OPRM1: variants seen among roughly 807,000 people sequenced by gnomAD.
OPRM1 encodes the protein mu-type opioid receptor.
Under a neutral mutation model 31.8 loss-of-function variants are expected in OPRM1, and 27 were observed. That is an observed-to-expected ratio of 0.85 (90% confidence interval 0.63 to 1.17). The LOEUF (loss-of-function observed/expected upper bound fraction) is 1.17, where lower values mean the gene tolerates loss of function less well. OPRM1 is among the 50% of genes most tolerant of loss of function. The pLI is 0.00. For synonymous variants in OPRM1, 196 were observed against 189.9 expected, an observed-to-expected ratio of 1.03 and a Z score of -0.26; for missense variants, 536 against 511.1, an observed-to-expected ratio of 1.05 and a Z score of -0.47.
chr6:154,076,212 C>T (rs141930419), intron 1 of OPRM1, among the ~76,000 whole-genome samples: 1 of 152,254 alleles, frequency 6.6e-6, no homozygotes, highest in East Asian at 1.9e-4. Flanking sequence ...TTAATAACCT[C>T]AGAATAAGTA....
chr6:154,182,215 T>G (rs1427238579), intron 3 of OPRM1, among the ~76,000 whole-genome samples: 1 of 152,184 alleles, frequency 6.6e-6, no homozygotes, highest in Admixed American at 6.5e-5. Flanking sequence ...TTCCCTCATT[T>G]TCCTCTATTT....
chr6:154,010,530 C>T lies in OPRM1; in HGVS notation c.-489C>T, dbSNP rs755001511. 126 of 1,547,566 alleles carry T rather than the reference C, an allele frequency of 8.1e-5. No homozygotes were observed. In the African/African-American group the frequency reaches 1.6e-3, roughly 20 times the overall value. Reference sequence around the variant, plus strand: ...TAAAGAAAATGATGAGGGCTAAATCCATCAGCACCAAAGCTGGGAAGCCCT... The same window carrying T: ...TAAAGAAAATGATGAGGGCTAAATCTATCAGCACCAAAGCTGGGAAGCCCT... On this transcript the variant is annotated 5_prime_UTR_variant, in exon 1 of 6. Coordinates refer to the OPRM1 transcript ENST00000434900.
chr6:154,037,090 T>TA (rs1779349066), upstream of OPRM1, among the ~76,000 whole-genome samples: 1 of 151,882 alleles, frequency 6.6e-6, no homozygotes, highest in Admixed American at 6.6e-5. Flanking sequence ...AACTTAAAAG[T>TA]AAAAAAATCT....
chr6:154,091,061 C>A lies in OPRM1; in HGVS notation c.753C>A (p.Thr251=). The A allele has an allele frequency of 6.2e-7, 1 of 1,614,096 alleles. No individual in the cohort carries two copies. Among genetic ancestry groups the A allele is most frequent in the Non-Finnish European group, 8.5e-7 (1 of 1,179,996 alleles). Residue 251 remains threonine, a synonymous_variant, in exon 3 of 4, where the codon ACC becomes ACA. Coordinates refer to ENST00000330432, the MANE Select transcript of OPRM1 (RefSeq NM_000914.5). ...FAFIMPVLII[T]VCYGLMILRL... ...TCATTATGCCAGTGCTCATCATTAC[C>A]GTGTGCTATGGACTGATGATCTTGC...
At chr6:154,137,783 T>C (rs1798095500) in intron 3 of OPRM1, among the ~76,000 whole-genome samples, 1 of 152,062 alleles carries the variant, frequency 6.6e-6, no homozygotes, top group African/African-American at 2.4e-5. Flanking sequence ...ACAGGTAAAA[T>C]AGAAGTATGA....
intron 3 of OPRM1, among the ~76,000 whole-genome samples, chr6:154,239,346 AT>A (rs1780391792): frequency 6.6e-6 from 1 of 152,274 alleles, no homozygotes; most frequent in South Asian, 2.1e-4. Context: ...AAGGAAAATA[AT>A]TGTTAGAACA....
intron 1 of OPRM1, chr6:154,074,192 A>G (rs923552690): frequency 2.0e-5 from 3 of 152,186 alleles, no homozygotes; most frequent in Non-Finnish European, 2.9e-5. Context: ...CTCCAGGGCA[A>G]ATTACTTAAC....
chr6:154,031,374 G>A (rs1183046248), intron 1 of OPRM1, among the ~76,000 whole-genome samples: 1 of 152,048 alleles, frequency 6.6e-6, no homozygotes, highest in Admixed American at 6.5e-5. Context: ...AAAAGACTGA[G>A]GAGCTGCTAT....
At chr6:154,085,824 C>G (rs913039441) in intron 1 of OPRM1, among the ~76,000 whole-genome samples, 3 of 150,928 alleles carry the variant, frequency 2.0e-5, no homozygotes, top group African/African-American at 7.3e-5. Context: ...TGACTCTGAG[C>G]ATTCATTGAA....
rs201436661 is a variant in OPRM1, at chr6:154,118,940, G to A, written c.*219G>A. 1.2e-5 allele frequency: 16 copies of A among 1,301,484 alleles called. No homozygotes were observed. Among genetic ancestry groups the A allele is most frequent in the Non-Finnish European group, 1.4e-5 (14 of 1,025,896 alleles). 80.6% of individuals were successfully genotyped at this position (1,301,484 alleles called of 1,614,324 possible). A position where few individuals can be genotyped will look rare whatever the true frequency, so the allele number is the denominator to read the frequency against. On this transcript the variant is annotated 3_prime_UTR_variant, in exon 4 of 4. Transcript: ENST00000330432. ...GAAGGAAAGGAATATACCACACCGA[G>A]GAGTCCAGTTTGTGCAAGACACCCA...
At chr6:154,232,956 C>G (rs1481118380) in intron 3 of OPRM1, among the ~76,000 whole-genome samples, 1 of 151,224 alleles carries the variant, frequency 6.6e-6, no homozygotes, top group Non-Finnish European at 1.5e-5. Flanking sequence ...GTAAAATAAG[C>G]CTTTTTTCTT....
chr6:154,031,472 C>T (rs1382276274), intron 1 of OPRM1, among the ~76,000 whole-genome samples: 3 of 152,036 alleles, frequency 2.0e-5, no homozygotes, highest in Non-Finnish European at 2.9e-5. Context: ...CGGTGGCTCA[C>T]GCCTGTAATC....
At position 154,187,444 on chromosome 6, in the gene OPRM1, G is replaced by A. The variant is rs7753376; in HGVS notation, c.1165-59249G>A. 5.6e-3 allele frequency among the ~76,000 whole-genome samples: 848 copies of A among 152,224 alleles called. 10 individuals carry two copies. Among genetic ancestry groups the A allele is most frequent in the African/African-American group, 0.02 (819 of 41,532 alleles). On this transcript the variant is annotated intron_variant, in intron 3 of 3. Transcript: ENST00000337049. ...TTGCCCAGCTCATGGCATGGTGCTT[G>A]GCATATAAAAAGCACTTGACAAATA...
intron 3 of OPRM1, chr6:154,108,311 C>T (rs970217134): frequency 7.2e-6 from 2 of 279,054 alleles, no homozygotes; most frequent in Non-Finnish European, 1.3e-5. Context: ...GCAGTTTCAA[C>T]ACGTGCTCTC....
intron 1 of OPRM1, among the ~76,000 whole-genome samples, chr6:154,021,058 C>T (rs1418102415): frequency 6.6e-6 from 1 of 152,150 alleles, no homozygotes; most frequent in Non-Finnish European, 1.5e-5. Flanking sequence ...TCTAGATTTT[C>T]TTCTACACTA....
At chr6:154,185,513 C>A (rs1998221) in intron 3 of OPRM1, among the ~76,000 whole-genome samples, 68,943 of 151,988 alleles carry the variant, frequency 0.45, 16,280 homozygotes, top group African/African-American at 0.55. Context: ...GTTTGTATGG[C>A]TGATATAATA....
chr6:154,110,274 C>A, intron 3 of OPRM1: 1 of 706,910 alleles, frequency 1.4e-6, no homozygotes, highest in South Asian at 1.8e-5. Context: ...GGGTATAAAT[C>A]ATTGAATTAA....
chr6:154,091,496 A>G (rs1792207325), intron 3 of OPRM1, 24 bp downstream of exon 3: 2 of 1,594,130 alleles, frequency 1.3e-6, no homozygotes, highest in Non-Finnish European at 1.7e-6. Context: ...AGAATTAGGT[A>G]TATCTACTGG....
chr6:154,087,548 C>T, intron 1 of OPRM1: 1 of 985,470 alleles, frequency 1.0e-6, no homozygotes, highest in Non-Finnish European at 1.2e-6. Context: ...CAAGCTCCTC[C>T]AGCAACTACA....
Sources: allele counts gnomAD v4.1 joint callset (sites outside exome capture counted in the v4.1 genomes callset), GRCh38; gene constraint gnomAD v4.1.1; transcripts MANE v1.5; gene names NCBI Gene and HGNC (gene_info 2026-07-23, HGNC 2026-07-21).